The following MACROD2 variants were observed in gnomAD, a reference collection of about 807,000 sequenced individuals.
MACROD2 encodes ADP-ribose glycohydrolase MACROD2.
Under a neutral mutation model 70.4 loss-of-function variants are expected in MACROD2, and 36 were observed. That is an observed-to-expected ratio of 0.51 (90% CI 0.39 to 0.68). The LOEUF (loss-of-function observed/expected upper bound fraction) is 0.68. Ranked by LOEUF, MACROD2 falls within the 30% of genes least tolerant of loss-of-function variation. The probability of loss-of-function intolerance (pLI) is 0.00; values close to 1 mark genes in which losing one functional copy is unlikely to be tolerated. For synonymous variants in MACROD2, 172 were observed against 178.8 expected, an observed-to-expected ratio of 0.96 and a Z score of 0.30; for missense variants, 496 against 538.4, an observed-to-expected ratio of 0.92 and a Z score of 0.78.
At chr20:15,802,885 A>G (rs1011038170) in intron 8 of MACROD2, among the ~76,000 whole-genome samples, 6 of 152,160 alleles carry the variant, frequency 3.9e-5, no homozygotes, top group Non-Finnish European at 5.9e-5. Context: ...ATTATTATGA[A>G]CAACTATACG....
rs370299956 is a variant in MACROD2, at chr20:15,723,451, C to T, written c.646-139294C>T. On this transcript the variant is annotated intron_variant, in intron 8 of 17. Transcript: ENST00000684519. ...CTGTGCTCTGCCTATTCACCTCTCC[C>T]GCTCCCAACCCACTGACGATCGCTG... Among the ~76,000 whole-genome samples the T allele has an allele frequency of 9.2e-4, 140 of 152,262 alleles. 4 individuals are homozygous for T. In the South Asian group the frequency reaches 0.028, roughly 30 times the overall value.
chr20:15,682,995 C>G (rs2050180426), intron 8 of MACROD2, among the ~76,000 whole-genome samples: 1 of 152,086 alleles, frequency 6.6e-6, no homozygotes, highest in South Asian at 2.1e-4. Context: ...AAAATGACCC[C>G]AGGAGATAGT....
At chr20:14,147,572 G>A (rs1219170793) in intron 3 of MACROD2, among the ~76,000 whole-genome samples, 4 of 152,194 alleles carry the variant, frequency 2.6e-5, no homozygotes, top group African/African-American at 9.7e-5. Context: ...ACCTCAGGTA[G>A]TTTAACAATA....
chr20:16,007,444 A>G (rs1297303526), intron 15 of MACROD2, among the ~76,000 whole-genome samples: 1 of 152,194 alleles, frequency 6.6e-6, no homozygotes, highest in Non-Finnish European at 1.5e-5. Flanking sequence ...GACTATTAGC[A>G]AACCTGATAC....
chr20:14,512,139 A>G (rs1256800189), intron 4 of MACROD2, among the ~76,000 whole-genome samples: 2 of 152,148 alleles, frequency 1.3e-5, no homozygotes, highest in Non-Finnish European at 2.9e-5. Flanking sequence ...TCTATCATCC[A>G]TGATATTAAC....
chr20:15,270,196 C>T (rs899262313), intron 6 of MACROD2, among the ~76,000 whole-genome samples: 13 of 143,528 alleles, frequency 9.1e-5, no homozygotes, highest in Non-Finnish European at 1.5e-4. Context: ...TGTTTTCGGT[C>T]GCTTTATTTA....
At chr20:15,164,925 A>G (rs1476321657) in intron 5 of MACROD2, among the ~76,000 whole-genome samples, 5 of 151,976 alleles carry the variant, frequency 3.3e-5, no homozygotes, top group African/African-American at 1.2e-4. Context: ...CCGTAAAAAT[A>G]TCAATATCAG....
At chr20:15,566,258 T>C (rs2048308613) in intron 8 of MACROD2, among the ~76,000 whole-genome samples, 2 of 152,060 alleles carry the variant, frequency 1.3e-5, no homozygotes, top group African/African-American at 4.8e-5. Context: ...CTGAAGCCAG[T>C]GGATTCCTTG....
At chr20:15,856,837 AC>A (rs1451911945) in intron 8 of MACROD2, among the ~76,000 whole-genome samples, 1 of 152,252 alleles carries the variant, frequency 6.6e-6, no homozygotes, top group African/African-American at 2.4e-5. Flanking sequence ...TTTTAAATAT[AC>A]AAAGTTGCTT....
intron 8 of MACROD2, among the ~76,000 whole-genome samples, chr20:15,561,505 G>C (rs1047806669): frequency 2.0e-5 from 3 of 152,080 alleles, no homozygotes; most frequent in African/African-American, 7.2e-5. Context: ...GTACTACTAG[G>C]CTAAAATGTA....
rs532957470 is a variant in MACROD2 at position 15,183,151 on chromosome 20, TTAAG to T, written c.419-46784_419-46781del. ...TCAGAATACACTTACACTGCTTGTGTTAAGTAAGAGGGAAGATAATGCAGTGAAT... is the reference window on the plus strand; with the variant it reads ...TCAGAATACACTTACACTGCTTGTGTTAAGAGGGAAGATAATGCAGTGAAT... On this transcript the variant is annotated intron_variant, in intron 5 of 17. Transcript: ENST00000684519. 1.2e-3 allele frequency among the ~76,000 whole-genome samples: 184 copies of T among 152,262 alleles called. No homozygotes were observed. In the South Asian group the frequency reaches 0.013, roughly 11 times the overall value.
At chr20:14,875,044 C>G (rs1543630) in intron 5 of MACROD2, among the ~76,000 whole-genome samples, 113,186 of 151,846 alleles carry the variant, frequency 0.75, 42,848 homozygotes, top group East Asian at 0.95. Flanking sequence ...AATTTTTAGA[C>G]AAAAGAGATA....
intron 3 of MACROD2, among the ~76,000 whole-genome samples, chr20:14,234,418 A>G (rs2081849825): frequency 6.6e-6 from 1 of 152,104 alleles, no homozygotes; most frequent in African/African-American, 2.4e-5. Flanking sequence ...TCTTGGGTGT[A>G]CCTTAGTTAT....
intron 3 of MACROD2, among the ~76,000 whole-genome samples, chr20:14,277,040 G>T (rs1277914050): frequency 1.3e-5 from 2 of 152,138 alleles, no homozygotes; most frequent in East Asian, 3.9e-4. Flanking sequence ...AATTGGCTGG[G>T]CTTGGTAGCT....
chr20:14,144,436 A>G (rs1357705090), intron 3 of MACROD2, among the ~76,000 whole-genome samples: 4 of 152,128 alleles, frequency 2.6e-5, no homozygotes, highest in East Asian at 3.9e-4. Flanking sequence ...GTTTCTGTTC[A>G]TTTATTGATC....
chr20:14,675,341 C>A lies in MACROD2; in HGVS notation c.302-9502C>A, dbSNP rs142902887. Among the ~76,000 whole-genome samples, 1,124 of 152,328 alleles carry A rather than the reference C, an allele frequency of 7.4e-3. 11 individuals carry two copies. Among genetic ancestry groups the A allele is most frequent in the Admixed American group, 0.013 (195 of 15,294 alleles). ...TACCCACAAAGGGAAGCCCATCAGA[C>A]TAACAGCAGATCTCTCTGAAGAAAC... is the stretch of plus-strand genomic sequence containing the variant. On this transcript the variant is annotated intron_variant, in intron 4 of 17. Coordinates refer to ENST00000684519, the MANE Select transcript of MACROD2 (RefSeq NM_001351661.2).
intron 8 of MACROD2, among the ~76,000 whole-genome samples, chr20:15,616,451 T>A (rs1404156577): frequency 6.6e-6 from 1 of 152,142 alleles, no homozygotes; most frequent in Non-Finnish European, 1.5e-5. Flanking sequence ...AAGAAGAAGT[T>A]CAAAGAAGAG....
intron 3 of MACROD2, among the ~76,000 whole-genome samples, chr20:14,420,499 C>T (rs1379422547): frequency 6.6e-6 from 1 of 152,090 alleles, no homozygotes; most frequent in Non-Finnish European, 1.5e-5. Flanking sequence ...CAGGTACTTA[C>T]TGGCCATTCG....
At chr20:15,371,247 C>T (rs927846750) in intron 6 of MACROD2, among the ~76,000 whole-genome samples, 9 of 152,100 alleles carry the variant, frequency 5.9e-5, no homozygotes, top group African/African-American at 2.2e-4. Flanking sequence ...GGCTCTTCAT[C>T]ACGGCTTGCC....
Sources: allele counts gnomAD v4.1 joint callset (sites outside exome capture counted in the v4.1 genomes callset), GRCh38; gene constraint gnomAD v4.1.1; transcripts MANE v1.5; gene names NCBI Gene and HGNC (gene_info 2026-07-23, HGNC 2026-07-21).